DPP10: variants seen among roughly 807,000 people sequenced by gnomAD.
DPP10 encodes dipeptidyl peptidase like 10, also known as inactive dipeptidyl peptidase 10.
In DPP10, 33 loss-of-function variants were observed where a neutral mutation model predicts 120.9. The ratio of observed to expected loss-of-function variants is 0.27; its 90% confidence interval spans 0.21 to 0.37. The LOEUF is 0.37. Ranked by LOEUF, DPP10 falls within the 10% of genes least tolerant of loss-of-function variation. The pLI, the probability that DPP10 is intolerant of heterozygous loss-of-function variation, is 1.00. For missense variants in DPP10, 816 were observed against 942.8 expected, an observed-to-expected ratio of 0.87 and a Z score of 1.76; for synonymous variants, 337 against 326.1, an observed-to-expected ratio of 1.03 and a Z score of -0.36.
chr2:115,057,401 A>G (rs1706012013), intron 1 of DPP10, among the ~76,000 whole-genome samples: 1 of 152,144 alleles, frequency 6.6e-6, no homozygotes, highest in African/African-American at 2.4e-5. Flanking sequence ...TATTTGACTA[A>G]AGATTTGTGT....
chr2:114,472,899 G>A (rs1046711797), intron 1 of DPP10, among the ~76,000 whole-genome samples: 2 of 152,190 alleles, frequency 1.3e-5, no homozygotes, highest in African/African-American at 2.4e-5. Flanking sequence ...TCCTCATGCC[G>A]TTCTACCTTA....
In DPP10 at chr2:115,181,716, G is replaced by A. The variant is rs2105147997; in HGVS notation, c.61-127523G>A. Among the ~76,000 whole-genome samples, 2 of 152,214 alleles carry A rather than the reference G, an allele frequency of 1.3e-5. 1 individual carries two copies. On this transcript the variant is annotated intron_variant, in intron 1 of 25. Coordinates refer to ENST00000410059, the MANE Select transcript of DPP10 (RefSeq NM_020868.6). Reference sequence around the variant, plus strand: ...CAGGAGCAGCCCAAATACAAAAGGAGGAAAAATGAATTTCTTGTTTCCATA... The same window carrying A: ...CAGGAGCAGCCCAAATACAAAAGGAAGAAAAATGAATTTCTTGTTTCCATA...
At chr2:115,537,602 T>C (rs1177918218) in intron 5 of DPP10, among the ~76,000 whole-genome samples, 1 of 146,918 alleles carries the variant, frequency 6.8e-6, no homozygotes, top group Non-Finnish European at 1.5e-5. Context: ...GTGTATGGTC[T>C]AGAACAAAAA....
chr2:114,837,420 C>T (rs921352688), intron 1 of DPP10, among the ~76,000 whole-genome samples: 4 of 152,110 alleles, frequency 2.6e-5, no homozygotes, highest in Non-Finnish European at 5.9e-5. Flanking sequence ...AGGGCAGGCT[C>T]TTTATCTTTT....
chr2:115,652,143 A>G (rs1284685883), intron 5 of DPP10, among the ~76,000 whole-genome samples: 2 of 152,086 alleles, frequency 1.3e-5, no homozygotes, highest in South Asian at 2.1e-4. Context: ...AGTTGGATAC[A>G]TGATATATGC....
chr2:115,800,951 G>T (rs1254454764), intron 19 of DPP10, among the ~76,000 whole-genome samples: 1 of 152,034 alleles, frequency 6.6e-6, no homozygotes, highest in African/African-American at 2.4e-5. Context: ...CTTTAAAGTA[G>T]TTTTTTCCAA....
In DPP10 at chr2:115,233,036, G is replaced by A. The variant is rs183130552; in HGVS notation, c.61-76203G>A. Among the ~76,000 whole-genome samples, 820 of 105,800 alleles carry A rather than the reference G, an allele frequency of 7.8e-3. 6 individuals are homozygous for A. The highest frequency in any genetic ancestry group is 0.011 in the Non-Finnish European group (606 of 52,916). The allele number at this position is 105,800 out of a possible 152,430, so 69.4% of individuals were successfully genotyped here. A position where few individuals can be genotyped will look rare whatever the true frequency, so the allele number is the denominator to read the frequency against. ...AGCAACTTTATCGATAGTGTCTATC[G>A]TCATCTTAATCTTGACTGTAGATTG... On this transcript the variant is annotated intron_variant, in intron 1 of 25. Transcript: ENST00000410059.
intron 1 of DPP10, among the ~76,000 whole-genome samples, chr2:114,896,616 C>G (rs1304158983): frequency 1.3e-5 from 2 of 152,304 alleles, no homozygotes; most frequent in East Asian, 3.9e-4. Context: ...AGTTGCTTAT[C>G]AGTTTAAGGA....
intron 1 of DPP10, among the ~76,000 whole-genome samples, chr2:114,747,774 T>A (rs1678713019): frequency 6.6e-6 from 1 of 152,248 alleles, no homozygotes; most frequent in Non-Finnish European, 1.5e-5. Context: ...GGTTATTTCA[T>A]TCAATTCCTA....
At chr2:115,753,569 G>A (rs7587585) in intron 11 of DPP10, among the ~76,000 whole-genome samples, 40,528 of 151,966 alleles carry the variant, frequency 0.27, 5,749 homozygotes, top group Middle Eastern at 0.44. Context: ...TCCAAGCCAC[G>A]TTAGCTTCTT....
intron 1 of DPP10, among the ~76,000 whole-genome samples, chr2:114,523,046 C>T (rs1008457775): frequency 2.0e-5 from 3 of 152,126 alleles, no homozygotes; most frequent in Admixed American, 6.5e-5. Flanking sequence ...TAGGTTCTCT[C>T]GAAACAGATC....
intron 21 of DPP10, among the ~76,000 whole-genome samples, chr2:115,826,003 T>C (rs1177316390): frequency 6.6e-6 from 1 of 152,242 alleles, no homozygotes; most frequent in Admixed American, 6.5e-5. Context: ...CAGGAACAGT[T>C]GAAAAATAAC....
intron 1 of DPP10, among the ~76,000 whole-genome samples, chr2:115,292,299 T>A (rs1456838554): frequency 6.6e-6 from 1 of 152,168 alleles, no homozygotes; most frequent in Non-Finnish European, 1.5e-5. Flanking sequence ...CATTTTTATT[T>A]ATAATGCATA....
chr2:115,535,409 G>A (rs553676468), intron 5 of DPP10, among the ~76,000 whole-genome samples: 30 of 152,216 alleles, frequency 2.0e-4, no homozygotes, highest in African/African-American at 6.7e-4. Context: ...ATTTCTCAAA[G>A]ATCAGATAGT....
chr2:114,707,461 G>A (rs569938858), intron 1 of DPP10, among the ~76,000 whole-genome samples: 1 of 152,120 alleles, frequency 6.6e-6, no homozygotes, highest in South Asian at 2.1e-4. Context: ...GATATGTATC[G>A]AGACAGTAGT....
At chr2:114,791,329 C>T (rs997938886) in intron 1 of DPP10, among the ~76,000 whole-genome samples, 2 of 152,100 alleles carry the variant, frequency 1.3e-5, no homozygotes, top group South Asian at 2.1e-4. Flanking sequence ...ACTGAACTAG[C>T]GCTGTAGACT....
At chr2:114,491,221 C>A (rs1027675758) in intron 1 of DPP10, among the ~76,000 whole-genome samples, 8 of 151,922 alleles carry the variant, frequency 5.3e-5, no homozygotes, top group Non-Finnish European at 1.2e-4. Flanking sequence ...TTAGAAAGTC[C>A]AAACTTTTAA....
chr2:114,719,003 T>C (rs533184402), intron 1 of DPP10, among the ~76,000 whole-genome samples: 117 of 152,358 alleles, frequency 7.7e-4, no homozygotes, highest in African/African-American at 2.6e-3. Context: ...AGATCAAGCC[T>C]GGCTTATATG....
chr2:115,726,849 T>C (rs2092776908), intron 7 of DPP10, among the ~76,000 whole-genome samples: 1 of 152,130 alleles, frequency 6.6e-6, no homozygotes, highest in African/African-American at 2.4e-5. Flanking sequence ...TTTGCTACTG[T>C]GTGTTAATTC....
Sources: gnomAD v4.1 joint callset for allele counts (sites outside exome capture counted in the v4.1 genomes callset) on GRCh38, gnomAD v4.1.1 for gene constraint, MANE v1.5 for transcripts, NCBI Gene and HGNC (gene_info 2026-07-23, HGNC 2026-07-21) for gene names.